The following RRAS2 variants were observed in gnomAD, a reference collection of about 807,000 sequenced individuals.
RRAS2 encodes the protein ras-related protein R-Ras2.
Under a neutral mutation model 27.6 loss-of-function variants are expected in RRAS2, and 7 were observed. The observed-to-expected ratio is 0.25, with a 90% confidence interval of 0.14 to 0.48. The LOEUF (loss-of-function observed/expected upper bound fraction) is 0.48. Among genes scored for constraint, RRAS2 ranks in the 20% least tolerant of loss-of-function variants. The pLI is 0.99. For missense variants in RRAS2, 178 were observed against 256.2 expected (o/e 0.69, Z 2.08); for synonymous variants, 86 against 90.9 (o/e 0.95, Z 0.31).
At chr11:14,281,529 A>C in intron 5 of RRAS2, 73 bp downstream of exon 5, 1 of 1,216,954 alleles carries the variant, frequency 8.2e-7, no homozygotes, top group East Asian at 2.6e-5. Context: ...AATCACTTCC[A>C]TATAAAATAT....
intron 4 of RRAS2, among the ~76,000 whole-genome samples, chr11:14,285,554 A>G (rs575788116): frequency 1.1e-4 from 16 of 152,242 alleles, no homozygotes; most frequent in African/African-American, 3.6e-4. Context: ...TCATTTTCAG[A>G]TTTCCATTTG....
At chr11:14,332,223 G>A (rs1387813400) in intron 1 of RRAS2, among the ~76,000 whole-genome samples, 2 of 152,208 alleles carry the variant, frequency 1.3e-5, no homozygotes, top group Non-Finnish European at 2.9e-5. Flanking sequence ...GTACATCAAT[G>A]TCTGGGGCAG....
intron 1 of RRAS2, among the ~76,000 whole-genome samples, chr11:14,336,234 A>T (rs1554952540): frequency 6.6e-6 from 1 of 152,210 alleles, no homozygotes; most frequent in Non-Finnish European, 1.5e-5. Flanking sequence ...CACAGTAACA[A>T]GGCAGCACTT....
intron 5 of RRAS2, 25 bp downstream of exon 5, chr11:14,281,577 C>G: frequency 5.3e-6 from 8 of 1,518,980 alleles, no homozygotes; most frequent in Non-Finnish European, 7.1e-6. Flanking sequence ...TATTAAAACA[C>G]ACATCTAGAA....
chr11:14,281,783 C>G, intron 4 of RRAS2, 63 bp from the exon 5 acceptor site: 1 of 1,372,586 alleles, frequency 7.3e-7, no homozygotes, highest in Non-Finnish European at 1.0e-6. Context: ...CCATCTAATC[C>G]TGGCCACAGA....
chr11:14,282,793 A>G (rs1479437407), intron 4 of RRAS2, among the ~76,000 whole-genome samples: 2 of 152,182 alleles, frequency 1.3e-5, no homozygotes, highest in Admixed American at 1.3e-4. Flanking sequence ...CATACTCTGG[A>G]AGCATTCTGA....
At chr11:14,295,961 C>A in intron 1 of RRAS2, 106 bp from the exon 2 acceptor site, 2 of 969,416 alleles carry the variant, frequency 2.1e-6, no homozygotes, top group Admixed American at 2.1e-5. Flanking sequence ...TCACTTGAGG[C>A]CAGGAGTTTG....
chr11:14,295,321 TAGA>T (rs1415883366), intron 2 of RRAS2, among the ~76,000 whole-genome samples: 1 of 152,214 alleles, frequency 6.6e-6, no homozygotes, highest in South Asian at 2.1e-4. Flanking sequence ...TCATACATAT[TAGA>T]AGAATAGAGC....
upstream of RRAS2, among the ~76,000 whole-genome samples, chr11:14,359,689 G>A (rs907456484): frequency 1.4e-4 from 22 of 152,208 alleles, no homozygotes; most frequent in African/African-American, 4.3e-4. Flanking sequence ...TGGGCAAGAC[G>A]GAATGTGACA....
At chr11:14,314,763 C>G (rs1180311604) in intron 1 of RRAS2, among the ~76,000 whole-genome samples, 2 of 152,104 alleles carry the variant, frequency 1.3e-5, no homozygotes, top group Non-Finnish European at 2.9e-5. Flanking sequence ...GATCTCGGCT[C>G]ACTGCAACCT....
intron 4 of RRAS2, among the ~76,000 whole-genome samples, chr11:14,281,950 C>T (rs147383591): frequency 2.6e-5 from 4 of 152,286 alleles, no homozygotes; most frequent in African/African-American, 7.2e-5. Flanking sequence ...TTTCCAAATA[C>T]AGATCACACA....
chr11:14,299,514 G>C (rs1554947106), intron 1 of RRAS2, among the ~76,000 whole-genome samples: 4 of 152,112 alleles, frequency 2.6e-5, no homozygotes, highest in Admixed American at 1.3e-4. Context: ...TTCTTTACAT[G>C]CTATGCAAAG....
intron 4 of RRAS2, among the ~76,000 whole-genome samples, chr11:14,285,910 T>G (rs768949705): frequency 1.3e-5 from 2 of 152,180 alleles, no homozygotes; most frequent in Non-Finnish European, 2.9e-5. Flanking sequence ...CATTATAATG[T>G]ATCTTATAAT....
chr11:14,357,267 C>T (rs1849100550), intron 1 of RRAS2, among the ~76,000 whole-genome samples: 1 of 152,092 alleles, frequency 6.6e-6, no homozygotes, highest in Admixed American at 6.6e-5. Context: ...ATTATTCTCC[C>T]ACTCCTAGAC....
chr11:14,339,114 C>A (rs569490295), intron 1 of RRAS2, among the ~76,000 whole-genome samples: 17 of 152,168 alleles, frequency 1.1e-4, no homozygotes, highest in African/African-American at 4.1e-4. Context: ...GAAGTCCCAT[C>A]TGCTTTAACC....
intron 1 of RRAS2, among the ~76,000 whole-genome samples, chr11:14,314,601 G>A (rs1394199417): frequency 6.6e-6 from 1 of 152,148 alleles, no homozygotes; most frequent in African/African-American, 2.4e-5. Flanking sequence ...CAGCTGCCAT[G>A]TAATAGCAAA....
intron 4 of RRAS2, among the ~76,000 whole-genome samples, chr11:14,290,720 T>C (rs1046467822): frequency 2.2e-4 from 34 of 152,270 alleles, no homozygotes; most frequent in African/African-American, 6.7e-4. Flanking sequence ...GTCACTGACA[T>C]TTGTCCAATT....
chr11:14,298,769 T>C (rs1177884300), intron 1 of RRAS2, among the ~76,000 whole-genome samples: 5 of 123,552 alleles, frequency 4.0e-5, no homozygotes, highest in Non-Finnish European at 9.1e-5. Context: ...CTCTGGGAAC[T>C]GCCTATCATA....
At chr11:14,314,621 A>C (rs981470070) in intron 1 of RRAS2, among the ~76,000 whole-genome samples, 5 of 152,348 alleles carry the variant, frequency 3.3e-5, no homozygotes, top group Middle Eastern at 6.8e-3. Context: ...ATGTTGAAAT[A>C]CTGAGAATGA....
Sources: allele counts gnomAD v4.1 joint callset (sites outside exome capture counted in the v4.1 genomes callset), GRCh38; gene constraint gnomAD v4.1.1; transcripts MANE v1.5; gene names NCBI Gene and HGNC (gene_info 2026-07-23, HGNC 2026-07-21).